The following XRCC4 variants were observed in gnomAD, a reference collection of about 807,000 sequenced individuals.
XRCC4 encodes DNA repair protein XRCC4.
Under a neutral mutation model 39.1 loss-of-function variants are expected in XRCC4, and 28 were observed. The ratio of observed to expected loss-of-function variants is 0.72; its 90% CI spans 0.53 to 0.98. XRCC4 has a LOEUF of 0.98. Ranked by LOEUF, XRCC4 falls within the 50% of genes least tolerant of loss-of-function variation. The pLI, the probability that XRCC4 is intolerant of heterozygous loss-of-function variation, is 0.00. For synonymous variants in XRCC4, 123 were observed against 126.4 expected, an observed-to-expected ratio of 0.97 and a Z score of 0.18; for missense variants, 350 against 376.4, an observed-to-expected ratio of 0.93 and a Z score of 0.58.
rs914484543 is a variant in XRCC4, at chr5:83,077,755, G to T, written c.-11+140G>T. 4.9e-5 allele frequency: 8 copies of T among 163,208 alleles called. No homozygotes were observed. In the East Asian group the frequency reaches 1.1e-3, roughly 21 times the overall value. 10.1% of individuals were successfully genotyped at this position (163,208 alleles called of 1,614,324 possible). On this transcript the variant is annotated intron_variant, in intron 1 of 7. Coordinates refer to ENST00000396027, the MANE Select transcript of XRCC4 (RefSeq NM_003401.5). The stretch of plus-strand genomic sequence containing the variant: ...ACAATGCGAGAATCCCCCTCAATTT[G>T]TGAGCTCCCGCGACTTCCTCTTGTG...
At chr5:83,235,322 A>T (rs1383001741) in intron 6 of XRCC4, among the ~76,000 whole-genome samples, 1 of 147,298 alleles carries the variant, frequency 6.8e-6, no homozygotes, top group Non-Finnish European at 1.5e-5. Flanking sequence ...GTGACAGATC[A>T]AGACCCTATC....
chr5:83,155,607 G>GT (rs1217364618), intron 3 of XRCC4, among the ~76,000 whole-genome samples: 1 of 152,016 alleles, frequency 6.6e-6, no homozygotes, highest in African/African-American at 2.4e-5. Flanking sequence ...TGACTTATTA[G>GT]TTACTTGGAT....
chr5:83,262,990 C>T (rs1718523694), intron 7 of XRCC4, among the ~76,000 whole-genome samples: 1 of 124,548 alleles, frequency 8.0e-6, no homozygotes, highest in Non-Finnish European at 1.7e-5. Context: ...CTATCCCTCC[C>T]CCCCTCCCCC....
intron 3 of XRCC4, among the ~76,000 whole-genome samples, chr5:83,181,869 A>G (rs1750220994): frequency 6.6e-6 from 1 of 152,186 alleles, no homozygotes; most frequent in African/African-American, 2.4e-5. Context: ...AATACAGCAA[A>G]TGTGCCTGTA....
chr5:83,091,972 C>T (rs947258808), intron 1 of XRCC4, among the ~76,000 whole-genome samples: 1 of 152,118 alleles, frequency 6.6e-6, no homozygotes, highest in Non-Finnish European at 1.5e-5. Flanking sequence ...AATTTATGTT[C>T]CTACCAACAG....
At chr5:83,119,928 G>A (rs1469576094) in intron 3 of XRCC4, among the ~76,000 whole-genome samples, 1 of 149,912 alleles carries the variant, frequency 6.7e-6, no homozygotes, top group African/African-American at 2.5e-5. Flanking sequence ...AGTGAGATAA[G>A]CTAAGGTTGT....
At chr5:83,313,397 A>G (rs1454412063) in intron 7 of XRCC4, among the ~76,000 whole-genome samples, 2 of 152,060 alleles carry the variant, frequency 1.3e-5, no homozygotes, top group Non-Finnish European at 2.9e-5. Context: ...TTTCAAAAAA[A>G]TCTCGTTGTA....
chr5:83,176,814 G>T (rs1232207291), intron 3 of XRCC4, among the ~76,000 whole-genome samples: 1 of 151,944 alleles, frequency 6.6e-6, no homozygotes, highest in East Asian at 1.9e-4. Flanking sequence ...AAGTGTTGGG[G>T]TTTCGCCATG....
chr5:83,292,283 T>A (rs1241215896), intron 7 of XRCC4, among the ~76,000 whole-genome samples: 2 of 151,874 alleles, frequency 1.3e-5, no homozygotes, highest in Non-Finnish European at 2.9e-5. Context: ...TGTGTTTGAA[T>A]TGAGAACCCC....
rs188456753 is a variant in XRCC4, at chr5:83,295,172, G to T, written c.893+36495G>T. 2.0e-3 allele frequency among the ~76,000 whole-genome samples: 304 copies of T among 151,928 alleles called. 6 individuals carry two copies. The highest frequency in any genetic ancestry group is 0.018 in the Admixed American group (277 of 15,228). ...ATGTGCATCATGAACTCTCAAGAGG[G>T]ACATATAGTGAGCAGCACTTTCAAA... On this transcript the variant is annotated intron_variant, in intron 7 of 7. Transcript: ENST00000396027.
At chr5:83,233,518 G>A (rs1370637638) in intron 6 of XRCC4, among the ~76,000 whole-genome samples, 2 of 152,022 alleles carry the variant, frequency 1.3e-5, no homozygotes, top group Non-Finnish European at 2.9e-5. Context: ...TTCTTCTCCA[G>A]AAAAGGACAG....
At chr5:83,174,095 G>A (rs1463491619) in intron 3 of XRCC4, among the ~76,000 whole-genome samples, 2 of 152,156 alleles carry the variant, frequency 1.3e-5, no homozygotes, top group Admixed American at 6.6e-5. Context: ...GGCTTTGACT[G>A]TGACAGGCAC....
At chr5:83,184,510 A>G (rs1750349102) in intron 3 of XRCC4, among the ~76,000 whole-genome samples, 1 of 152,098 alleles carries the variant, frequency 6.6e-6, no homozygotes. Flanking sequence ...TACTGTTTTA[A>G]TTTAGTTTTT....
At chr5:83,122,826 T>G (rs1472069865) in intron 3 of XRCC4, among the ~76,000 whole-genome samples, 2 of 152,166 alleles carry the variant, frequency 1.3e-5, no homozygotes, top group East Asian at 3.9e-4. Flanking sequence ...AATTTTGTTT[T>G]CAATTTTGTT....
chr5:83,275,840 T>C (rs1205065568), intron 7 of XRCC4, among the ~76,000 whole-genome samples: 1 of 152,184 alleles, frequency 6.6e-6, no homozygotes, highest in Non-Finnish European at 1.5e-5. Context: ...AGAAAGGGAT[T>C]ATTGTAGTGT....
At position 83,302,377 on chromosome 5, in the gene XRCC4, A is replaced by C. The variant is rs149171150; in HGVS notation, c.893+43700A>C. 5.5e-3 allele frequency among the ~76,000 whole-genome samples: 840 copies of C among 152,324 alleles called. 3 individuals are homozygous for C. The highest frequency in any genetic ancestry group is 9.2e-3 in the Non-Finnish European group (629 of 68,028). ...TCTCCTGGTCTGCAGGTTGCGAAGA[A>C]CATGGGAAAAGTGTAGTGTCTGGGC... On this transcript the variant is annotated intron_variant, in intron 7 of 7. Coordinates refer to ENST00000396027, the MANE Select transcript of XRCC4 (RefSeq NM_003401.5).
At chr5:83,286,624 G>A (rs1754743091) in intron 7 of XRCC4, among the ~76,000 whole-genome samples, 1 of 152,022 alleles carries the variant, frequency 6.6e-6, no homozygotes, top group African/African-American at 2.4e-5. Flanking sequence ...TATTTTCTAA[G>A]GTAATATCCC....
intron 6 of XRCC4, among the ~76,000 whole-genome samples, chr5:83,249,448 C>T (rs1753230121): frequency 1.3e-5 from 2 of 152,078 alleles, no homozygotes; most frequent in African/African-American, 2.4e-5. Context: ...TTCTAGTTTC[C>T]TTTTCATAGA....
At chr5:83,261,104 T>C (rs1580437680) in intron 7 of XRCC4, among the ~76,000 whole-genome samples, 1 of 151,936 alleles carries the variant, frequency 6.6e-6, no homozygotes, top group African/African-American at 2.4e-5. Flanking sequence ...GACTGAAATT[T>C]TATGGCTCTT....
Sources: gnomAD v4.1 joint callset for allele counts (sites outside exome capture counted in the v4.1 genomes callset) on GRCh38, gnomAD v4.1.1 for gene constraint, MANE v1.5 for transcripts, NCBI Gene and HGNC (gene_info 2026-07-23, HGNC 2026-07-21) for gene names.